RIC8B: variants seen among roughly 807,000 people sequenced by gnomAD.
RIC8B encodes RIC8 guanine nucleotide exchange factor B.
In RIC8B, 16 loss-of-function variants were observed where a neutral mutation model predicts 57.5. The ratio of observed to expected loss-of-function variants is 0.28; its 90% CI spans 0.19 to 0.42. The LOEUF (loss-of-function observed/expected upper bound fraction) is 0.42. RIC8B is among the 10% of genes least tolerant of loss of function. The pLI, the probability that RIC8B is intolerant of heterozygous loss-of-function variation, is 1.00. For missense variants in RIC8B, 481 were observed against 677.0 expected, an observed-to-expected ratio of 0.71 and a Z score of 3.21; for synonymous variants, 216 against 250.8, an observed-to-expected ratio of 0.86 and a Z score of 1.31.
chr12:106,868,687 G>GAAAAATTCT (rs1950242436), intron 8 of RIC8B, among the ~76,000 whole-genome samples: 1 of 151,332 alleles, frequency 6.6e-6, no homozygotes, highest in Admixed American at 6.6e-5. Context: ...CCTCTAACTG[G>GAAAAATTCT]AGGCCTTTTT....
intron 9 of RIC8B, among the ~76,000 whole-genome samples, chr12:106,878,177 C>T (rs1950754319): frequency 6.6e-6 from 1 of 152,082 alleles, no homozygotes; most frequent in African/African-American, 2.4e-5. Context: ...AAGTTAGTGG[C>T]TTAATGAAAG....
At chr12:106,834,369 A>G (rs576840877) in intron 4 of RIC8B, among the ~76,000 whole-genome samples, 158 of 152,326 alleles carry the variant, frequency 1.0e-3, no homozygotes, top group Non-Finnish European at 1.7e-3. Flanking sequence ...TGTTCATTTT[A>G]CAAGAATTGG....
chr12:106,861,564 C>G (rs1270840235), intron 8 of RIC8B, among the ~76,000 whole-genome samples: 1 of 151,960 alleles, frequency 6.6e-6, no homozygotes, highest in Non-Finnish European at 1.5e-5. Context: ...GGCAATGACT[C>G]TAAGCACTAT....
intron 1 of RIC8B, among the ~76,000 whole-genome samples, chr12:106,780,622 G>A (rs964217564): frequency 6.6e-6 from 1 of 152,156 alleles, no homozygotes; most frequent in African/African-American, 2.4e-5. Context: ...CTGTTCCTTT[G>A]TTATACTTTG....
chr12:106,849,345 G>T (rs923787839), intron 6 of RIC8B, among the ~76,000 whole-genome samples: 6 of 147,076 alleles, frequency 4.1e-5, no homozygotes, highest in Non-Finnish European at 7.5e-5. Flanking sequence ...TAGAGACAGG[G>T]TCTCGCTATG....
At chr12:106,809,792 G>A (rs141704000) in intron 2 of RIC8B, among the ~76,000 whole-genome samples, 1 of 152,008 alleles carries the variant, frequency 6.6e-6, no homozygotes, top group Non-Finnish European at 1.5e-5. Flanking sequence ...CAGGGTAATT[G>A]GGGTATCCAT....
At chr12:106,839,984 C>T (rs1317569240) in intron 4 of RIC8B, among the ~76,000 whole-genome samples, 1 of 152,158 alleles carries the variant, frequency 6.6e-6, no homozygotes, top group Non-Finnish European at 1.5e-5. Context: ...TGCCACTGCA[C>T]TCTGGCCTGG....
At chr12:106,861,848 G>A (rs7967811) in intron 8 of RIC8B, among the ~76,000 whole-genome samples, 16,610 of 151,764 alleles carry the variant, frequency 0.11, 1,061 homozygotes, top group Middle Eastern at 0.16. Context: ...TACATCCCAG[G>A]GTGTGTGGAC....
At chr12:106,833,344 G>A (rs1344919405) in intron 4 of RIC8B, among the ~76,000 whole-genome samples, 5 of 152,216 alleles carry the variant, frequency 3.3e-5, no homozygotes, top group Non-Finnish European at 7.3e-5. Context: ...GCTCACGCCT[G>A]TAATCCCAGC....
intron 3 of RIC8B, 56 bp from the exon 4 acceptor site, chr12:106,825,670 C>A: frequency 7.8e-7 from 1 of 1,283,994 alleles, no homozygotes; most frequent in Non-Finnish European, 1.1e-6. Context: ...AAGTAGCAGA[C>A]CCCACTGTTC....
At position 106,779,633 on chromosome 12, in the gene RIC8B, GA is replaced by G. The variant is rs1007162589; in HGVS notation, c.85-4354del. Reference sequence around the variant, plus strand: ...ATTATTTAGGGAATAATGCCAAGAAGAAAAAAAAAAGCCTGCACTTGTTCAA... The same window carrying G: ...ATTATTTAGGGAATAATGCCAAGAAGAAAAAAAAAGCCTGCACTTGTTCAA... On this transcript the variant is annotated intron_variant, in intron 1 of 9. Coordinates refer to ENST00000392837, the MANE Select transcript of RIC8B (RefSeq NM_001330145.2). 5.4e-4 allele frequency among the ~76,000 whole-genome samples: 55 copies of G among 102,266 alleles called. 1 individual carries two copies. Among genetic ancestry groups the G allele is most frequent in the African/African-American group, 1.3e-3 (35 of 27,720 alleles). The allele number at this position is 102,266 out of a possible 152,430, so 67.1% of individuals were successfully genotyped here. A position where few individuals can be genotyped will look rare whatever the true frequency, so the allele number is the denominator to read the frequency against.
intron 2 of RIC8B, among the ~76,000 whole-genome samples, chr12:106,799,584 C>G (rs192456143): frequency 2.6e-4 from 39 of 152,250 alleles, no homozygotes; most frequent in African/African-American, 8.9e-4. Flanking sequence ...ATAATAGGGT[C>G]TTTCATATGC....
chr12:106,881,358 A>G (rs1355628695), intron 9 of RIC8B, among the ~76,000 whole-genome samples: 1 of 138,572 alleles, frequency 7.2e-6, no homozygotes, highest in Non-Finnish European at 1.6e-5. Context: ...TTTTTCCTTT[A>G]TCTCAGCCGA....
rs573850950 is a variant in RIC8B at position 106,808,253 on chromosome 12, A to G, written c.133-6443A>G. Among the ~76,000 whole-genome samples, 43 of 152,292 alleles carry G rather than the reference A, an allele frequency of 2.8e-4. 1 individual carries two copies. In the South Asian group the frequency reaches 8.9e-3, roughly 32 times the overall value. On this transcript the variant is annotated intron_variant, in intron 2 of 9. Transcript: ENST00000392837. ...GTATATGGGAGGTTGTGCAAAGGTTATATGCAAGTACTATACCACTTTATA... is the reference window on the plus strand; with the variant it reads ...GTATATGGGAGGTTGTGCAAAGGTTGTATGCAAGTACTATACCACTTTATA...
intron 8 of RIC8B, among the ~76,000 whole-genome samples, chr12:106,864,816 C>G (rs1374678431): frequency 6.6e-6 from 1 of 152,176 alleles, no homozygotes; most frequent in Non-Finnish European, 1.5e-5. Flanking sequence ...CAATGAAACT[C>G]TGTACACATT....
intron 2 of RIC8B, among the ~76,000 whole-genome samples, chr12:106,794,803 C>A (rs1173531248): frequency 6.6e-6 from 1 of 152,030 alleles, no homozygotes; most frequent in Non-Finnish European, 1.5e-5. Context: ...AGCAAGTAAC[C>A]CTAAACAGTA....
At chr12:106,777,519 TAG>T (rs1183999556) in intron 1 of RIC8B, among the ~76,000 whole-genome samples, 1 of 151,904 alleles carries the variant, frequency 6.6e-6, no homozygotes, top group South Asian at 2.1e-4. Context: ...ATGAATGCTG[TAG>T]AGAGAGAGAG....
At position 106,786,062 on chromosome 12, in the gene RIC8B, G is replaced by A. The variant is rs531005675; in HGVS notation, c.132+2018G>A. Among the ~76,000 whole-genome samples the A allele has an allele frequency of 1.6e-4, 24 of 151,274 alleles. No homozygotes were observed. In the East Asian group the frequency reaches 4.3e-3, roughly 27 times the overall value. On this transcript the variant is annotated intron_variant, in intron 2 of 9. Coordinates refer to ENST00000392837, the MANE Select transcript of RIC8B (RefSeq NM_001330145.2). ...GGCTCTCACTCTGTTGCTCAGGCTGGCCTCAAGGGATCTTCCCACTTTGAC... is the reference window on the plus strand; with the variant it reads ...GGCTCTCACTCTGTTGCTCAGGCTGACCTCAAGGGATCTTCCCACTTTGAC...
chr12:106,871,488 A>AC (rs1424646015), intron 9 of RIC8B: 47 of 143,614 alleles, frequency 3.3e-4, no homozygotes, highest in African/African-American at 7.4e-4. Context: ...AAAAAAAAAA[A>AC]AAAAAAAAAA....
Sources: allele counts gnomAD v4.1 joint callset (sites outside exome capture counted in the v4.1 genomes callset), GRCh38; gene constraint gnomAD v4.1.1; transcripts MANE v1.5; gene names NCBI Gene and HGNC (gene_info 2026-07-23, HGNC 2026-07-21).